SYT3: variants seen among roughly 807,000 people sequenced by gnomAD.
The protein encoded by SYT3 is synaptotagmin-3.
SYT3 carries 25 observed loss-of-function variants against 50.6 expected under a neutral mutation model. The observed-to-expected ratio is 0.49, with a 90% confidence interval of 0.36 to 0.69. SYT3 has a LOEUF of 0.69. Ranked by LOEUF, SYT3 falls within the 30% of genes least tolerant of loss-of-function variation. The pLI is 0.00. For synonymous variants in SYT3, 323 were observed against 353.9 expected, an observed-to-expected ratio of 0.91 and a Z score of 0.98; for missense variants, 589 against 793.6, an observed-to-expected ratio of 0.74 and a Z score of 3.10.
intron 6 of SYT3, among the ~76,000 whole-genome samples, chr19:50,628,398 C>T (rs988498822): frequency 4.6e-5 from 7 of 151,944 alleles, no homozygotes; most frequent in East Asian, 1.9e-4. Flanking sequence ...GCCATTGGGC[C>T]CTATAATCTG....
the SYT3 span, among the ~76,000 whole-genome samples, chr19:50,653,574 G>A: frequency 4.0e-5 from 6 of 151,730 alleles, no homozygotes; most frequent in African/African-American, 1.2e-4. Context: ...TCTACCGCAC[G>A]TGTGTGTGTG....
chr19:50,650,678 A>AAAAC, the SYT3 span, among the ~76,000 whole-genome samples: 14 of 152,298 alleles, frequency 9.2e-5, no homozygotes, highest in African/African-American at 2.6e-4. Context: ...CTCAAAAAAC[A>AAAAC]AAACAAACAA....
the SYT3 span, among the ~76,000 whole-genome samples, chr19:50,655,298 T>C: frequency 1.3e-5 from 2 of 152,126 alleles, no homozygotes; most frequent in African/African-American, 2.4e-5. Context: ...AGGGTCCATA[T>C]TTGAGAACTG....
intron 3 of SYT3, among the ~76,000 whole-genome samples, chr19:50,633,787 T>C (rs895696845): frequency 5.9e-5 from 9 of 152,180 alleles, no homozygotes; most frequent in Non-Finnish European, 1.2e-4. Context: ...TACATGAGGT[T>C]GGCAACATAT....
the SYT3 span, chr19:50,649,923 C>T: frequency 2.3e-6 from 1 of 443,358 alleles, no homozygotes. Flanking sequence ...ATCCTTCCAC[C>T]TCCCACAATT....
At position 50,637,160 on chromosome 19, in the gene SYT3, C is replaced by G; in HGVS notation, c.148+104G>C. 1 of 1,392,486 alleles carries G rather than the reference C, an allele frequency of 7.2e-7. No homozygotes were observed. The highest frequency in any genetic ancestry group is 2.3e-5 in the East Asian group (1 of 43,040). The allele number at this position is 1,392,486 out of a possible 1,614,324, so 86.3% of individuals were successfully genotyped here. Reference sequence around the variant, plus strand: ...CAGGCAGAATGGGGGCAAGACGCTACGAGGGACTGACCCCACAAGCAATGG... The same window carrying G: ...CAGGCAGAATGGGGGCAAGACGCTAGGAGGGACTGACCCCACAAGCAATGG... On this transcript the variant is annotated intron_variant, in intron 3 of 10. Transcript: ENST00000600079. This position sits in a 1 kb window ranked among gnomAD's most constrained non-coding sequence, Gnocchi z 4.9.
At chr19:50,653,018 G>A in the SYT3 span, among the ~76,000 whole-genome samples, 3 of 152,154 alleles carry the variant, frequency 2.0e-5, no homozygotes, top group African/African-American at 4.8e-5. Flanking sequence ...AGGATGCAAT[G>A]GAAAGTATTT....
intron 3 of SYT3, among the ~76,000 whole-genome samples, chr19:50,635,483 G>T (rs544719306): frequency 6.6e-6 from 1 of 152,198 alleles, no homozygotes; most frequent in Non-Finnish European, 1.5e-5. Context: ...GTGTAGTTGC[G>T]CAGTAGAAGA....
Position 50,625,143 on chromosome 19 carries a change from G to A in SYT3, c.1707+19C>T, listed in dbSNP as rs1983996839. ...GTGCACGGGTGCTTGTCAGGGGTCG[G>A]TGTGGGACCCCTACTCACCTCCACT... On this transcript the variant is annotated intron_variant, in intron 9 of 10. Coordinates refer to ENST00000600079, the MANE Select transcript of SYT3 (RefSeq NM_001160329.2). This position sits in a 1 kb window ranked among gnomAD's most constrained non-coding sequence, Gnocchi z 7.5. 6.4e-7 allele frequency: 1 copy of A among 1,561,394 alleles called. No homozygotes were observed. Among genetic ancestry groups the A allele is most frequent in the Non-Finnish European group, 8.6e-7 (1 of 1,160,936 alleles).
At chr19:50,655,912 G>T in the SYT3 span, 77 of 810,390 alleles carry the variant, frequency 9.5e-5, no homozygotes, top group East Asian at 2.0e-3. Context: ...GGAGTTTGGA[G>T]CTAAGAGACA....
intron 9 of SYT3, chr19:50,624,949 C>T: frequency 2.4e-6 from 1 of 423,528 alleles, no homozygotes; most frequent in Middle Eastern, 6.1e-4. Context: ...ACAGAAGATG[C>T]TATCAACAGT....
chr19:50,639,009 G>C lies in SYT3; in HGVS notation c.-16+16C>G, dbSNP rs1056512922. 1 of 152,920 alleles carries C rather than the reference G, an allele frequency of 6.5e-6. No homozygotes were observed. Among genetic ancestry groups the C allele is most frequent in the Non-Finnish European group, 1.5e-5 (1 of 68,586 alleles). The allele number at this position is 152,920 out of a possible 1,614,324, so 9.5% of individuals were successfully genotyped here. A position where few individuals can be genotyped will look rare whatever the true frequency, so the allele number is the denominator to read the frequency against. On this transcript the variant is annotated intron_variant, in intron 2 of 10. Transcript: ENST00000600079. The surrounding 1 kb of genome is among the most constrained non-coding windows in gnomAD (Gnocchi z 4.6). ...GCAGAAGGCCAGGACTCCAAGACAGGCATGGCCACACTCACCTGCGCTTAT... is the reference window on the plus strand; with the variant it reads ...GCAGAAGGCCAGGACTCCAAGACAGCCATGGCCACACTCACCTGCGCTTAT...
Position 50,625,810 on chromosome 19 carries a change from C to G in SYT3, c.1402+87G>C. The G allele has an allele frequency of 1.2e-6, 1 of 813,326 alleles. No homozygotes were observed. The highest frequency in any genetic ancestry group is 2.0e-6 in the Non-Finnish European group (1 of 505,596). The allele number at this position is 813,326 out of a possible 1,614,324, so 50.4% of individuals were successfully genotyped here. On this transcript the variant is annotated intron_variant, in intron 7 of 10. Transcript: ENST00000600079. The surrounding 1 kb of genome is among the most constrained non-coding windows in gnomAD (Gnocchi z 7.5). The stretch of plus-strand genomic sequence containing the variant: ...GATCCCCAGCTCCTCCTCCCTCAGA[C>G]CCAGGAGTCCAGGCCCCTGGCCCCT...
At position 50,625,356 on chromosome 19, in the gene SYT3, C is replaced by T; in HGVS notation, c.1574+37G>A. The T allele has an allele frequency of 1.9e-5, 29 of 1,540,664 alleles. No homozygotes were observed. Among genetic ancestry groups the T allele is most frequent in the Non-Finnish European group, 2.5e-5 (29 of 1,144,594 alleles). On this transcript the variant is annotated intron_variant, in intron 8 of 10. Transcript: ENST00000600079. This position sits in a 1 kb window ranked among gnomAD's most constrained non-coding sequence, Gnocchi z 7.5. ...TGGGAGGGCCTGTCCCCACCCCAGC[C>T]CTCCTGCCTGACCCCCGCCCGGGCC...
the SYT3 span, among the ~76,000 whole-genome samples, chr19:50,657,331 C>T: frequency 6.6e-6 from 1 of 152,202 alleles, no homozygotes; most frequent in South Asian, 2.1e-4. Context: ...CCCTCTCACC[C>T]CAGTCAAGGA....
chr19:50,651,085 C>T, the SYT3 span, among the ~76,000 whole-genome samples: 1 of 152,278 alleles, frequency 6.6e-6, no homozygotes, highest in East Asian at 1.9e-4. Context: ...ATTAGAAAGC[C>T]CCTGGGTCCC....
the SYT3 span, among the ~76,000 whole-genome samples, chr19:50,656,780 C>T: frequency 1.3e-5 from 2 of 152,034 alleles, no homozygotes; most frequent in African/African-American, 2.4e-5. Flanking sequence ...GGTGAAACCC[C>T]GTCTCTATTA....
At chr19:50,652,570 G>A in the SYT3 span, among the ~76,000 whole-genome samples, 2 of 152,182 alleles carry the variant, frequency 1.3e-5, no homozygotes, top group African/African-American at 4.8e-5. Context: ...GGGTCAGAGA[G>A]TCCAAGTCGC....
intron 3 of SYT3, among the ~76,000 whole-genome samples, chr19:50,636,377 A>C (rs1267330412): frequency 6.6e-6 from 1 of 152,182 alleles, no homozygotes; most frequent in African/African-American, 2.4e-5. Flanking sequence ...GCTGTACTAG[A>C]CTATGCAGGA....
Sources: gnomAD v4.1 joint callset for allele counts (sites outside exome capture counted in the v4.1 genomes callset) on GRCh38, gnomAD v4.1.1 for gene constraint, Gnocchi (gnomAD v3.1) non-coding constraint, MANE v1.5 for transcripts, NCBI Gene and HGNC (gene_info 2026-07-23, HGNC 2026-07-21) for gene names.